ITPR1: variants seen among roughly 807,000 people sequenced by gnomAD.
The protein encoded by ITPR1 is inositol 1,4,5-trisphosphate-gated calcium channel ITPR1.
Under a neutral mutation model 318.4 loss-of-function variants are expected in ITPR1, and 96 were observed. The observed-to-expected ratio is 0.30, with a 90% CI of 0.26 to 0.36. ITPR1 has a LOEUF of 0.36. Ranked by LOEUF, ITPR1 falls within the 10% of genes least tolerant of loss-of-function variation. ITPR1 has a pLI of 1.00. For missense variants in ITPR1, 2,440 were observed against 3,460.2 expected, an observed-to-expected ratio of 0.71 and a Z score of 7.40; for synonymous variants, 1,312 against 1,289.9, an observed-to-expected ratio of 1.02 and a Z score of -0.37.
intron 26 of ITPR1, among the ~76,000 whole-genome samples, chr3:4,681,885 T>C (rs1416631956): frequency 1.3e-5 from 2 of 152,126 alleles, no homozygotes; most frequent in Admixed American, 1.3e-4. Flanking sequence ...GGTCTTTCAT[T>C]GTTCCTAATA....
chr3:4,572,350 G>T (rs951365173), intron 4 of ITPR1, among the ~76,000 whole-genome samples: 1 of 152,102 alleles, frequency 6.6e-6, no homozygotes, highest in Non-Finnish European at 1.5e-5. Flanking sequence ...CAGTTTTCCA[G>T]TTATTTAAAT....
chr3:4,756,113 A>G (rs928410344), intron 44 of ITPR1, among the ~76,000 whole-genome samples: 3 of 152,192 alleles, frequency 2.0e-5, no homozygotes, highest in Admixed American at 6.5e-5. Flanking sequence ...GGCCCTTTTC[A>G]TAGGTCAGAC....
At chr3:4,811,135 G>A in intron 55 of ITPR1, 130 bp from the exon 56 acceptor site, 1 of 525,240 alleles carries the variant, frequency 1.9e-6, no homozygotes. Context: ...GATGTTCAGT[G>A]TTAAGATCAT....
chr3:4,768,911 C>CTTTT (rs201819900), intron 46 of ITPR1, 147 bp downstream of exon 46: 6 of 680,564 alleles, frequency 8.8e-6, no homozygotes, highest in Non-Finnish European at 1.2e-5. Context: ...TTTCTTTTTT[C>CTTTT]TTTTTTCTTT....
chr3:4,719,258 T>C (rs987884384), intron 40 of ITPR1, among the ~76,000 whole-genome samples: 1 of 152,206 alleles, frequency 6.6e-6, no homozygotes, highest in Non-Finnish European at 1.5e-5. Flanking sequence ...CAACTGTGGA[T>C]CCCCTTCTGC....
rs1398672842 is a variant in ITPR1 at position 4,595,880 on chromosome 3, G to C, written c.164-31883G>C. 5.9e-5 allele frequency among the ~76,000 whole-genome samples: 9 copies of C among 152,278 alleles called. 1 individual carries two copies. The highest frequency in any genetic ancestry group is 6.8e-3 in the Middle Eastern group (2 of 294). On this transcript the variant is annotated intron_variant, in intron 4 of 61. Transcript: ENST00000649015. ...TGTTCTTAAGAAATCAGAAAGGTCA[G>C]GTATGGCTCTCATGTCGTAGATGAA...
At chr3:4,619,778 C>T (rs112967583) in intron 4 of ITPR1, among the ~76,000 whole-genome samples, 891 of 45,176 alleles carry the variant, frequency 0.02, 80 homozygotes, top group Admixed American at 0.054. Flanking sequence ...CTGCCCTCCC[C>T]TGCTCTCCTC....
chr3:4,662,414 C>T (rs1012967565), intron 15 of ITPR1, among the ~76,000 whole-genome samples, 172 bp downstream of exon 15: 1 of 152,174 alleles, frequency 6.6e-6, no homozygotes, highest in African/African-American at 2.4e-5. Context: ...CTTTTGCATT[C>T]ATTTTTTGAG....
chr3:4,814,953 C>G, intron 58 of ITPR1, 100 bp from the exon 59 acceptor site: 1 of 984,668 alleles, frequency 1.0e-6, no homozygotes, highest in African/African-American at 1.6e-5. Context: ...AATTTAATTT[C>G]TACCCAAGTA....
chr3:4,700,214 C>T (rs1574921405), intron 35 of ITPR1, among the ~76,000 whole-genome samples: 1 of 152,246 alleles, frequency 6.6e-6, no homozygotes, highest in Middle Eastern at 3.4e-3. Context: ...GCTTCCCTGC[C>T]CTCCAATCCT....
chr3:4,782,522 C>T, intron 49 of ITPR1, 97 bp from the exon 50 acceptor site: 1 of 1,318,226 alleles, frequency 7.6e-7, no homozygotes, highest in Non-Finnish European at 1.0e-6. Flanking sequence ...ACAGCCTTTT[C>T]CCTGGGAGGG....
At chr3:4,516,660 A>G (rs2082192749) in intron 3 of ITPR1, 77 bp downstream of exon 3, 2 of 892,090 alleles carry the variant, frequency 2.2e-6, no homozygotes, top group African/African-American at 1.7e-5. Flanking sequence ...TGATTTTTCT[A>G]ACATAAGAAC....
intron 4 of ITPR1, among the ~76,000 whole-genome samples, chr3:4,523,571 A>G (rs1370739440): frequency 6.6e-6 from 1 of 152,154 alleles, no homozygotes. Context: ...CCCTTGGCCA[A>G]CCTCTCAATC....
intron 44 of ITPR1, among the ~76,000 whole-genome samples, chr3:4,736,904 C>T (rs1309660232): frequency 6.6e-6 from 1 of 152,192 alleles, no homozygotes; most frequent in Non-Finnish European, 1.5e-5. Context: ...GGTTTCCAGA[C>T]ATGGGAGCCA....
intron 2 of ITPR1, among the ~76,000 whole-genome samples, chr3:4,499,473 C>T (rs898474130): frequency 3.9e-5 from 6 of 151,986 alleles, no homozygotes; most frequent in Admixed American, 3.9e-4. Flanking sequence ...TAGGTTTATA[C>T]TTCCCTGATA....
At chr3:4,802,102 A>T (rs1208169830) in intron 54 of ITPR1, among the ~76,000 whole-genome samples, 1 of 152,208 alleles carries the variant, frequency 6.6e-6, no homozygotes, top group Non-Finnish European at 1.5e-5. Context: ...TCCGTGATTG[A>T]ATCCGCATGA....
At chr3:4,795,333 C>A in intron 53 of ITPR1, 146 bp downstream of exon 53, 2 of 667,974 alleles carry the variant, frequency 3.0e-6, no homozygotes, top group Non-Finnish European at 4.5e-6. Context: ...GTAGCTGTTA[C>A]CATAGATTTA....
chr3:4,554,762 C>A (rs958213104), intron 4 of ITPR1, among the ~76,000 whole-genome samples: 5 of 152,032 alleles, frequency 3.3e-5, no homozygotes, highest in African/African-American at 1.2e-4. Flanking sequence ...ACAACCTGCC[C>A]CTGATTTTAA....
At chr3:4,691,890 G>A (rs2094484915) in intron 32 of ITPR1, among the ~76,000 whole-genome samples, 1 of 152,204 alleles carries the variant, frequency 6.6e-6, no homozygotes, top group Admixed American at 6.5e-5. Flanking sequence ...GGTGGCTCAT[G>A]CCTGTAATCC....
Sources: gnomAD v4.1 joint callset for allele counts (sites outside exome capture counted in the v4.1 genomes callset) on GRCh38, gnomAD v4.1.1 for gene constraint, MANE v1.5 for transcripts, NCBI Gene and HGNC (gene_info 2026-07-23, HGNC 2026-07-21) for gene names.